Variants in ELFN1 observed in about 807,000 individuals in gnomAD.
ELFN1 encodes protein ELFN1.
A neutral mutation model predicts 7.6 loss-of-function variants in ELFN1; 6 were observed. The ratio of observed to expected loss-of-function variants is 0.79; its 90% CI spans 0.43 to 1.56. ELFN1 has a LOEUF of 1.56. ELFN1 is among the 40% of genes most tolerant of loss of function. The pLI is 0.01. For synonymous variants in ELFN1, 657 were observed against 588.1 expected, an observed-to-expected ratio of 1.12 and a Z score of -1.70; for missense variants, 1,169 against 1,232.2, an observed-to-expected ratio of 0.95 and a Z score of 0.77.
intron 3 of ELFN1, among the ~76,000 whole-genome samples, chr7:1,712,835 T>G (rs1779701872): frequency 6.6e-6 from 1 of 152,208 alleles, no homozygotes. Flanking sequence ...TTTTATCTCT[T>G]ATCTTTTATC....
chr7:1,714,042 C>T (rs999991656), intron 3 of ELFN1, among the ~76,000 whole-genome samples: 6 of 152,224 alleles, frequency 3.9e-5, no homozygotes, highest in Non-Finnish European at 5.9e-5. Context: ...CCCGAGTCCC[C>T]GCATTTGAAG....
At chr7:1,738,171 G>A (rs751675103) in intron 3 of ELFN1, among the ~76,000 whole-genome samples, 5 of 152,214 alleles carry the variant, frequency 3.3e-5, no homozygotes, top group Non-Finnish European at 7.3e-5. Flanking sequence ...CCCAGACCAC[G>A]GAGGGCGCGT....
intron 3 of ELFN1, among the ~76,000 whole-genome samples, chr7:1,716,441 C>T (rs116183407): frequency 8.3e-4 from 126 of 152,360 alleles, no homozygotes; most frequent in African/African-American, 2.9e-3. Context: ...CCCCCATCCT[C>T]CCTCCAGAGC....
Position 1,684,840 on chromosome 7 carries a change from T to C in ELFN1, c.-548-3218T>C, listed in dbSNP as rs1263185789. On this transcript the variant is annotated intron_variant, in intron 1 of 3. Coordinates refer to ENST00000424383, the MANE Select transcript of ELFN1 (RefSeq NM_001128636.4). ...ATATAACAATATAGTGTTAAAAATA[T>C]TGCTTTATACAATCTTATGTTTTTA... Among the ~76,000 whole-genome samples, 5 of 152,310 alleles carry C rather than the reference T, an allele frequency of 3.3e-5. No individual in the cohort carries two copies. The East Asian group carries it at 9.6e-4, about 29-fold the overall frequency.
At chr7:1,675,216 G>A (rs369278617) in intron 1 of ELFN1, among the ~76,000 whole-genome samples, 428 of 152,270 alleles carry the variant, frequency 2.8e-3, no homozygotes, top group African/African-American at 9.7e-3. Flanking sequence ...TCTCTCTGCT[G>A]TCCGCCCCAC....
chr7:1,666,281 C>T (rs1254475320), upstream of ELFN1, among the ~76,000 whole-genome samples: 31 of 151,726 alleles, frequency 2.0e-4, no homozygotes, highest in Non-Finnish European at 3.8e-4. This position sits in a 1 kb window ranked among gnomAD's most constrained non-coding sequence, Gnocchi z 7.9. Flanking sequence ...AGAGGATGCT[C>T]TCTGGGGGGG....
intron 1 of ELFN1, among the ~76,000 whole-genome samples, chr7:1,679,768 C>T (rs2128576115): frequency 6.6e-6 from 1 of 152,358 alleles, no homozygotes; most frequent in South Asian, 2.1e-4. Flanking sequence ...CCCCTGGCCA[C>T]ACTCCAACAG....
At chr7:1,706,083 C>A (rs933015844) in intron 2 of ELFN1, among the ~76,000 whole-genome samples, 49 of 152,278 alleles carry the variant, frequency 3.2e-4, no homozygotes, top group Non-Finnish European at 5.9e-4. Context: ...GTTCCTCCTC[C>A]GATCCACCGC....
rs1244678761 is a variant in ELFN1, at chr7:1,670,296, G to C, written c.-607G>C. Among the ~76,000 whole-genome samples the C allele has an allele frequency of 6.6e-6, 1 of 151,928 alleles. No homozygotes were observed. The highest frequency in any genetic ancestry group is 2.4e-5 in the African/African-American group (1 of 41,404). ...AATTTCAATCCCGGGAGCGAAGTTA[G>C]AGCTTGAAGGACGGCGGCGGCTGCG... is the stretch of plus-strand genomic sequence containing the variant. On this transcript the variant is annotated 5_prime_UTR_variant, in exon 1 of 4. Coordinates refer to ENST00000424383, the MANE Select transcript of ELFN1 (RefSeq NM_001128636.4). This position sits in a 1 kb window ranked among gnomAD's most constrained non-coding sequence, Gnocchi z 6.4.
At chr7:1,682,581 C>T (rs1778992663) in intron 1 of ELFN1, among the ~76,000 whole-genome samples, 2 of 151,352 alleles carry the variant, frequency 1.3e-5, no homozygotes, top group Admixed American at 1.3e-4. Flanking sequence ...TTTGGGACTA[C>T]AGGCGTGTGC....
At chr7:1,702,147 G>A (rs764307108) in intron 2 of ELFN1, among the ~76,000 whole-genome samples, 8 of 152,094 alleles carry the variant, frequency 5.3e-5, no homozygotes, top group South Asian at 2.1e-4. Flanking sequence ...ATCCTCGGCC[G>A]GGTGCAGTGG....
intron 3 of ELFN1, among the ~76,000 whole-genome samples, chr7:1,722,265 C>CTTT (rs35253681): frequency 3.0e-5 from 4 of 135,256 alleles, no homozygotes; most frequent in Admixed American, 7.5e-5. Flanking sequence ...TTAGGAGCCA[C>CTTT]TTTTTTTTTT....
chr7:1,711,569 A>AGAGAGT (rs1336407353), intron 3 of ELFN1, among the ~76,000 whole-genome samples: 3 of 109,014 alleles, frequency 2.8e-5, no homozygotes, highest in African/African-American at 1.1e-4. Flanking sequence ...AGAGAGAGCG[A>AGAGAGT]GAGAGTGAGA....
rs1212870697 is a variant in ELFN1 at position 1,740,019 on chromosome 7, G to T, written c.-293-4285G>T. Among the ~76,000 whole-genome samples the T allele has an allele frequency of 6.6e-6, 1 of 152,220 alleles. No individual in the cohort carries two copies. On this transcript the variant is annotated intron_variant, in intron 3 of 3. Coordinates refer to ENST00000424383, the MANE Select transcript of ELFN1 (RefSeq NM_001128636.4). This position sits in a 1 kb window ranked among gnomAD's most constrained non-coding sequence, Gnocchi z 5.0. Reference sequence around the variant, plus strand: ...TACTAGCCACGTTTCTGGCACTCCAGAGCCACAGGGGACCCGTGGCCACCC... The same window carrying T: ...TACTAGCCACGTTTCTGGCACTCCATAGCCACAGGGGACCCGTGGCCACCC...
At chr7:1,679,177 G>GCACACA (rs148307616) in intron 1 of ELFN1, among the ~76,000 whole-genome samples, 14 of 149,566 alleles carry the variant, frequency 9.4e-5, no homozygotes, top group African/African-American at 3.3e-4. Context: ...ACACGTACGC[G>GCACACA]CGCACACACA....
At position 1,701,063 on chromosome 7, in the gene ELFN1, G is replaced by T. The variant is rs138115886; in HGVS notation, c.-455-8028G>T. Among the ~76,000 whole-genome samples the T allele has an allele frequency of 6.7e-3, 1,021 of 152,278 alleles. 8 individuals are homozygous for T. The highest frequency in any genetic ancestry group is 0.023 in the African/African-American group (941 of 41,564). ...TTAATACTTTGCATGATGTATGTATGCGTGTGTATGTGTGCGTGTGTGTGT... is the reference window on the plus strand; with the variant it reads ...TTAATACTTTGCATGATGTATGTATTCGTGTGTATGTGTGCGTGTGTGTGT... On this transcript the variant is annotated intron_variant, in intron 2 of 3. Coordinates refer to ENST00000424383, the MANE Select transcript of ELFN1 (RefSeq NM_001128636.4).
chr7:1,678,124 A>C (rs1778907016), intron 1 of ELFN1, among the ~76,000 whole-genome samples: 1 of 152,156 alleles, frequency 6.6e-6, no homozygotes. Context: ...GACTCAGCTG[A>C]ATGGGCAGCT....
chr7:1,714,872 C>T (rs28637632), intron 3 of ELFN1, among the ~76,000 whole-genome samples: 3,419 of 152,296 alleles, frequency 0.022, 135 homozygotes, highest in African/African-American at 0.078. Context: ...TACGCAAAGA[C>T]AGCAGCAGTG....
intron 3 of ELFN1, among the ~76,000 whole-genome samples, chr7:1,731,836 G>A (rs1343360100): frequency 6.6e-6 from 1 of 152,186 alleles, no homozygotes; most frequent in African/African-American, 2.4e-5. Flanking sequence ...TTTTAGTAGA[G>A]ACGGGGTTTT....
Sources: gnomAD v4.1 joint callset for allele counts (sites outside exome capture counted in the v4.1 genomes callset) on GRCh38, gnomAD v4.1.1 for gene constraint, Gnocchi (gnomAD v3.1) non-coding constraint, MANE v1.5 for transcripts, NCBI Gene and HGNC (gene_info 2026-07-23, HGNC 2026-07-21) for gene names.